Variants in ARB2A observed in about 807,000 individuals in gnomAD.
ARB2A encodes cotranscriptional regulator ARB2A.
the ARB2A span, among the ~76,000 whole-genome samples, chr5:93,772,787 T>C: frequency 6.6e-6 from 1 of 152,186 alleles, no homozygotes; most frequent in Non-Finnish European, 1.5e-5. Flanking sequence ...CCTTGCCATG[T>C]GGGCCTCTCC....
chr5:93,871,256 G>A, the ARB2A span, among the ~76,000 whole-genome samples: 1 of 152,166 alleles, frequency 6.6e-6, no homozygotes, highest in Non-Finnish European at 1.5e-5. Flanking sequence ...TGTGTAATAA[G>A]ATGTGTCAAC....
chr5:93,736,531 C>A, the ARB2A span: 1 of 151,986 alleles, frequency 6.6e-6, no homozygotes, highest in Non-Finnish European at 1.5e-5. Flanking sequence ...TACTCTTACA[C>A]AAAGATGTCA....
At chr5:93,793,217 C>A in the ARB2A span, among the ~76,000 whole-genome samples, 5 of 147,546 alleles carry the variant, frequency 3.4e-5, no homozygotes, top group African/African-American at 1.2e-4. Flanking sequence ...CAACTACAGG[C>A]GTACACCAAC....
the ARB2A span, among the ~76,000 whole-genome samples, chr5:93,779,124 T>TGTGCGC: frequency 8.9e-5 from 13 of 146,388 alleles, no homozygotes; most frequent in African/African-American, 2.6e-4. Flanking sequence ...TGTGTGTGTG[T>TGTGCGC]GCGCGCGCGC....
the ARB2A span, among the ~76,000 whole-genome samples, chr5:93,701,661 C>T: frequency 6.6e-6 from 1 of 151,984 alleles, no homozygotes; most frequent in Non-Finnish European, 1.5e-5. Flanking sequence ...CAAAAATCTG[C>T]AGCACTGCAA....
At chr5:94,098,321 A>AGTT in the ARB2A span, among the ~76,000 whole-genome samples, 1 of 152,206 alleles carries the variant, frequency 6.6e-6, no homozygotes, top group African/African-American at 2.4e-5. Context: ...ATAAGTCAAC[A>AGTT]CAATGAAAAT....
the ARB2A span, among the ~76,000 whole-genome samples, chr5:94,057,872 CTGA>C: frequency 6.6e-6 from 1 of 152,140 alleles, no homozygotes. Context: ...CCCTGTTGAG[CTGA>C]TGATACAGAG....
chr5:93,679,547 T>C, the ARB2A span, among the ~76,000 whole-genome samples: 2 of 152,116 alleles, frequency 1.3e-5, no homozygotes, highest in Non-Finnish European at 2.9e-5. Flanking sequence ...AAAAAATATA[T>C]GATTTTTCTA....
chr5:93,839,780 C>A, the ARB2A span, among the ~76,000 whole-genome samples: 1 of 151,954 alleles, frequency 6.6e-6, no homozygotes, highest in African/African-American at 2.4e-5. Flanking sequence ...AGGAATTTAT[C>A]CATTTCTTCC....
the ARB2A span, among the ~76,000 whole-genome samples, chr5:93,826,300 G>A: frequency 6.6e-6 from 1 of 152,168 alleles, no homozygotes; most frequent in Admixed American, 6.5e-5. Context: ...ATGGATATTA[G>A]ACAATGCACA....
At chr5:93,681,826 A>G in the ARB2A span, among the ~76,000 whole-genome samples, 2 of 152,216 alleles carry the variant, frequency 1.3e-5, no homozygotes, top group South Asian at 2.1e-4. Flanking sequence ...TAAGAAGAAA[A>G]GAGAGGAATC....
At chr5:93,998,472 T>C in the ARB2A span, among the ~76,000 whole-genome samples, 1 of 152,022 alleles carries the variant, frequency 6.6e-6, no homozygotes. Context: ...GTAAAATATT[T>C]GTATGTAAAA....
chr5:93,689,722 C>T, the ARB2A span, among the ~76,000 whole-genome samples: 23 of 150,892 alleles, frequency 1.5e-4, no homozygotes, highest in Admixed American at 1.2e-3. Context: ...GACGGAGTTT[C>T]GCTCTTGTTG....
At chr5:93,796,249 GT>G in the ARB2A span, among the ~76,000 whole-genome samples, 2 of 152,242 alleles carry the variant, frequency 1.3e-5, no homozygotes, top group Non-Finnish European at 2.9e-5. Flanking sequence ...AATCTTAGTT[GT>G]TTTATGCCCT....
the ARB2A span, among the ~76,000 whole-genome samples, chr5:93,634,261 G>A: frequency 5.3e-5 from 8 of 151,796 alleles, no homozygotes; most frequent in African/African-American, 9.7e-5. Flanking sequence ...TTAGCTGGGC[G>A]TGGTGGTGCG....
At chr5:93,896,878 A>G in the ARB2A span, among the ~76,000 whole-genome samples, 4 of 152,168 alleles carry the variant, frequency 2.6e-5, no homozygotes, top group African/African-American at 7.2e-5. Context: ...ATAAATGATT[A>G]AAAAATACAT....
chr5:94,091,848 C>CAT, the ARB2A span, among the ~76,000 whole-genome samples: 1 of 152,114 alleles, frequency 6.6e-6, no homozygotes, highest in East Asian at 1.9e-4. Context: ...TCCTATACAG[C>CAT]TTAGCAACAT....
the ARB2A span, among the ~76,000 whole-genome samples, chr5:93,762,420 T>C: frequency 1.3e-5 from 2 of 152,084 alleles, no homozygotes; most frequent in Non-Finnish European, 2.9e-5. Flanking sequence ...GCCTCAGTAG[T>C]CAATTCGATC....
chr5:94,033,569 C>A, the ARB2A span, among the ~76,000 whole-genome samples: 1 of 152,098 alleles, frequency 6.6e-6, no homozygotes, highest in Non-Finnish European at 1.5e-5. Flanking sequence ...GGATTACAGA[C>A]ACCTGCCACC....
Sources: gnomAD v4.1 joint callset for allele counts (sites outside exome capture counted in the v4.1 genomes callset) on GRCh38, gnomAD v4.1.1 for gene constraint, MANE v1.5 for transcripts, NCBI Gene and HGNC (gene_info 2026-07-23, HGNC 2026-07-21) for gene names.